POU2AF1: variants seen among roughly 807,000 people sequenced by gnomAD.
POU2AF1 encodes POU class 2 homeobox associating factor 1.
A neutral mutation model predicts 26.3 loss-of-function variants in POU2AF1; 12 were observed. The ratio of observed to expected loss-of-function variants is 0.46; its 90% CI spans 0.29 to 0.74. The LOEUF (loss-of-function observed/expected upper bound fraction) is 0.74, where lower values mean the gene tolerates loss of function less well. POU2AF1 is among the 30% of genes least tolerant of loss of function. The pLI is 0.09. For missense variants in POU2AF1, 297 were observed against 334.5 expected, an observed-to-expected ratio of 0.89 and a Z score of 0.87; for synonymous variants, 175 against 148.0, an observed-to-expected ratio of 1.18 and a Z score of -1.32.
At chr11:111,357,764 G>C (rs533062843) in intron 3 of POU2AF1, 31 bp downstream of exon 3, 1 of 1,612,538 alleles carries the variant, frequency 6.2e-7, no homozygotes, top group African/African-American at 1.3e-5. Flanking sequence ...TGAGAGGCCT[G>C]GGGGCCACCA....
intron 4 of POU2AF1, among the ~76,000 whole-genome samples, chr11:111,356,900 A>G (rs1423638416): frequency 6.6e-6 from 1 of 152,238 alleles, no homozygotes; most frequent in Non-Finnish European, 1.5e-5. Context: ...ATAGCTAGTA[A>G]GTGAAGGGAC....
At chr11:111,372,380 G>C (rs955109780) in intron 1 of POU2AF1, among the ~76,000 whole-genome samples, 12 of 150,586 alleles carry the variant, frequency 8.0e-5, no homozygotes, top group African/African-American at 2.9e-4. Context: ...AACAAAATGG[G>C]TTCTCATGGT....
At position 111,357,812 on chromosome 11, in the gene POU2AF1, G is replaced by A. The variant is rs1471887940; in HGVS notation, c.173C>T (p.Ala58Val). 5.6e-6 allele frequency: 9 copies of A among 1,610,680 alleles called. No homozygotes were observed. Among genetic ancestry groups the A allele is most frequent in the Middle Eastern group, 1.7e-4 (1 of 6,052 alleles). Reference protein sequence around the residue: ...TAVVLPHQPLATYTTVGPSCL... With the variant: ...TAVVLPHQPLVTYTTVGPSCL... ...ACTCTTACCCACTGTGGTGTAGGTCGCCAGGGGCTGATGGGGCAGCACCAC... is the reference window on the plus strand; with the variant it reads ...ACTCTTACCCACTGTGGTGTAGGTCACCAGGGGCTGATGGGGCAGCACCAC... The change falls in exon 3 of 5, where the codon GCG becomes GTG. Residue 58 changes from alanine (A) to valine (V), a missense_variant. Ala to Val is a moderately conservative substitution (Grantham distance 64). Transcript: ENST00000393067.
intron 1 of POU2AF1, among the ~76,000 whole-genome samples, chr11:111,375,130 G>A (rs1274849774): frequency 6.6e-6 from 1 of 152,164 alleles, no homozygotes; most frequent in Non-Finnish European, 1.5e-5. Context: ...CAATCAGCCA[G>A]TCCAAAGAAA....
chr11:111,360,962 C>A (rs1221933237), intron 1 of POU2AF1, among the ~76,000 whole-genome samples: 1 of 150,184 alleles, frequency 6.7e-6, no homozygotes, highest in African/African-American at 2.5e-5. Flanking sequence ...AAAAAAAAAT[C>A]TGTCCAGTAT....
chr11:111,357,908 C>T (rs1278980517), intron 2 of POU2AF1, 71 bp from the exon 3 acceptor site: 1 of 1,444,444 alleles, frequency 6.9e-7, no homozygotes. Context: ...GAGAACTTGC[C>T]CAGAGGGCCT....
At chr11:111,359,057 C>G (rs1860953767) in intron 1 of POU2AF1, 139 bp from the exon 2 acceptor site, 1 of 1,389,062 alleles carries the variant, frequency 7.2e-7, no homozygotes, top group East Asian at 2.5e-5. Context: ...TCCTAGAATG[C>G]CTCTCCAGTA....
At chr11:111,369,809 G>T (rs1258154365) in intron 1 of POU2AF1, among the ~76,000 whole-genome samples, 1 of 152,160 alleles carries the variant, frequency 6.6e-6, no homozygotes, top group African/African-American at 2.4e-5. Flanking sequence ...AGAGGAAAGG[G>T]CTGTCTCTTT....
chr11:111,363,003 T>C (rs986481382), intron 1 of POU2AF1: 2 of 430,012 alleles, frequency 4.7e-6, no homozygotes, highest in African/African-American at 2.2e-5. Context: ...CAGGATCTTG[T>C]CAAGAGAGGG....
intron 1 of POU2AF1, among the ~76,000 whole-genome samples, chr11:111,377,217 CA>C (rs60511505): frequency 0.011 from 1,570 of 140,276 alleles, 9 homozygotes; most frequent in African/African-American, 0.021. Flanking sequence ...ACTAAAAATA[CA>C]AAAAAAAAAA....
intron 1 of POU2AF1, 104 bp downstream of exon 1, chr11:111,379,058 G>T: frequency 1.5e-6 from 2 of 1,360,956 alleles, no homozygotes; most frequent in Non-Finnish European, 2.0e-6. Context: ...TCCCCCCGTG[G>T]CCCCATCACC....
chr11:111,368,238 C>A (rs181198100), intron 1 of POU2AF1, among the ~76,000 whole-genome samples: 1 of 152,258 alleles, frequency 6.6e-6, no homozygotes, highest in Admixed American at 6.5e-5. Flanking sequence ...CAAACTGGGG[C>A]CCCAAGTCTG....
In POU2AF1 at chr11:111,379,148, G is replaced by A; in HGVS notation, c.16+14C>T. 6.2e-7 allele frequency: 1 copy of A among 1,614,094 alleles called. No individual in the cohort carries two copies. The highest frequency in any genetic ancestry group is 8.5e-7 in the Non-Finnish European group (1 of 1,179,998). On this transcript the variant is annotated intron_variant, in intron 1 of 4. Transcript: ENST00000393067. The stretch of plus-strand genomic sequence containing the variant: ...CACTCGCTTGGGTCTGACAGCCACA[G>A]CCAAACCACTTACGTTTTTGCCAGA...
At chr11:111,371,078 T>C (rs1861200770) in intron 1 of POU2AF1, among the ~76,000 whole-genome samples, 1 of 152,252 alleles carries the variant, frequency 6.6e-6, no homozygotes, top group Non-Finnish European at 1.5e-5. Context: ...TCTCTTCTTT[T>C]CTTTCCTTTC....
intron 2 of POU2AF1, among the ~76,000 whole-genome samples, chr11:111,358,489 C>T (rs1461801748): frequency 6.7e-6 from 1 of 149,802 alleles, no homozygotes; most frequent in African/African-American, 2.5e-5. Flanking sequence ...CACACTGACA[C>T]ATACACATTC....
intron 1 of POU2AF1, among the ~76,000 whole-genome samples, chr11:111,374,551 C>T (rs952563604): frequency 3.9e-5 from 6 of 152,156 alleles, no homozygotes; most frequent in Non-Finnish European, 7.3e-5. Flanking sequence ...GCAAAATTAG[C>T]TGGGCATTGT....
rs145152779 is a variant in POU2AF1 at position 111,355,536 on chromosome 11, T to C, written c.457-961A>G. ...TGTCATATATCCCTCCTACTGTCAC[T>C]GTGTCTTGACAGCAAACTGTTAGAA... On this transcript the variant is annotated intron_variant, in intron 4 of 4. Transcript: ENST00000393067. Among the ~76,000 whole-genome samples, 185 of 152,302 alleles carry C rather than the reference T, an allele frequency of 1.2e-3. 3 individuals are homozygous for C. Among genetic ancestry groups the C allele is most frequent in the Admixed American group, 0.011 (170 of 15,310 alleles).
At chr11:111,376,485 G>T (rs1861312195) in intron 1 of POU2AF1, among the ~76,000 whole-genome samples, 1 of 152,158 alleles carries the variant, frequency 6.6e-6, no homozygotes, top group Non-Finnish European at 1.5e-5. Flanking sequence ...CAAATCCATT[G>T]GTTGGGGCTT....
chr11:111,363,534 G>A, intron 1 of POU2AF1: 2 of 968,234 alleles, frequency 2.1e-6, no homozygotes, highest in African/African-American at 1.7e-5. Context: ...AAATTTGGGA[G>A]AGGAAAAAAG....
Sources: allele counts gnomAD v4.1 joint callset (sites outside exome capture counted in the v4.1 genomes callset), GRCh38; gene constraint gnomAD v4.1.1; transcripts MANE v1.5; gene names NCBI Gene and HGNC (gene_info 2026-07-23, HGNC 2026-07-21).